Variants in SP140L observed in about 807,000 individuals in gnomAD.
SP140L encodes nuclear body protein SP140-like protein.
SP140L carries 64 observed loss-of-function variants against 84.3 expected under a neutral mutation model. The ratio of observed to expected loss-of-function variants is 0.76; its 90% CI spans 0.62 to 0.94. The LOEUF is 0.94. Among genes scored for constraint, SP140L ranks in the 40% least tolerant of loss-of-function variants. The probability of loss-of-function intolerance (pLI) is 0.00; values close to 1 mark genes in which losing one functional copy is unlikely to be tolerated. For synonymous variants in SP140L, 242 were observed against 236.9 expected (o/e 1.02, Z -0.20); for missense variants, 628 against 692.5 (o/e 0.91, Z 1.05).
At chr2:230,401,199 A>G (rs2062321324) in intron 16 of SP140L, 136 bp downstream of exon 16, 4 of 658,370 alleles carry the variant, frequency 6.1e-6, no homozygotes, top group South Asian at 3.9e-5. Context: ...ATAGAACACC[A>G]CACCTTGTTT....
chr2:230,352,358 C>G (rs2060389313), intron 2 of SP140L, among the ~76,000 whole-genome samples: 1 of 152,070 alleles, frequency 6.6e-6, no homozygotes, highest in African/African-American at 2.4e-5. Context: ...GGAATCATGA[C>G]TAGGAGGTCT....
At chr2:230,400,092 A>G (rs570352032) in intron 14 of SP140L, 35 bp from the exon 15 acceptor site, 2 of 1,611,330 alleles carry the variant, frequency 1.2e-6, no homozygotes, top group South Asian at 1.1e-5. Flanking sequence ...GAATCTTGTG[A>G]TTCCCAGTGA....
At position 230,400,941 on chromosome 2, in the gene SP140L, G is replaced by C. The variant is rs1330603910; in HGVS notation, c.1314-14G>C. 1.3e-6 allele frequency: 2 copies of C among 1,494,438 alleles called. No homozygotes were observed. Among genetic ancestry groups the C allele is most frequent in the Non-Finnish European group, 1.8e-6 (2 of 1,100,476 alleles). The allele number at this position is 1,494,438 out of a possible 1,614,324, so 92.6% of individuals were successfully genotyped here. A position where few individuals can be genotyped will look rare whatever the true frequency, so the allele number is the denominator to read the frequency against. On this transcript the variant is annotated splice_polypyrimidine_tract_variant and intron_variant, in intron 15 of 18. Coordinates refer to ENST00000415673, the MANE Select transcript of SP140L (RefSeq NM_138402.6). The stretch of plus-strand genomic sequence containing the variant: ...AGCTCCCTGCCCTCTGCTCACCCAT[G>C]TCCAATCTCTCAGGACCCCGTGGAA...
At chr2:230,383,678 AC>A in intron 8 of SP140L, 103 bp downstream of exon 8, 1 of 1,121,288 alleles carries the variant, frequency 8.9e-7, no homozygotes, top group Non-Finnish European at 1.3e-6. Flanking sequence ...AGAGTTCTGT[AC>A]TTCCTGTATC....
At position 230,328,839 on chromosome 2, in the gene SP140L, A is replaced by G. The variant is rs562434938; in HGVS notation, c.107+8A>G. Reference sequence around the variant, plus strand: ...CAGCCAAAGTCTGCAAAGGTGATGAAGAATTACAATTTGTTTTAATTTGTA... The same window carrying G: ...CAGCCAAAGTCTGCAAAGGTGATGAGGAATTACAATTTGTTTTAATTTGTA... On this transcript the variant is annotated splice_region_variant and intron_variant, in intron 2 of 18. Coordinates refer to ENST00000415673, the MANE Select transcript of SP140L (RefSeq NM_138402.6). The G allele has an allele frequency of 1.2e-4, 197 of 1,604,728 alleles. 3 individuals carry two copies. In the South Asian group the frequency reaches 2.2e-3, roughly 18 times the overall value.
At chr2:230,335,828 T>C (rs1299265431) in intron 2 of SP140L, among the ~76,000 whole-genome samples, 4 of 152,152 alleles carry the variant, frequency 2.6e-5, no homozygotes, top group Non-Finnish European at 1.5e-5. Context: ...AAAATGATGG[T>C]ATCAACAATG....
intron 2 of SP140L, among the ~76,000 whole-genome samples, chr2:230,336,566 G>C (rs2149682714): frequency 6.6e-6 from 1 of 152,294 alleles, no homozygotes; most frequent in South Asian, 2.1e-4. Context: ...ACTCAGAAAT[G>C]TCAGATATTT....
chr2:230,381,887 C>G (rs1264709652), intron 7 of SP140L, among the ~76,000 whole-genome samples: 1 of 152,166 alleles, frequency 6.6e-6, no homozygotes, highest in East Asian at 1.9e-4. Context: ...AGCACAATCC[C>G]CAGAGCACAC....
intron 4 of SP140L, among the ~76,000 whole-genome samples, chr2:230,359,447 T>C (rs2060647310): frequency 6.6e-6 from 1 of 151,478 alleles, no homozygotes; most frequent in African/African-American, 2.4e-5. Context: ...TTAGTGGGAG[T>C]TTTTGCAGTG....
intron 13 of SP140L, 133 bp downstream of exon 13, chr2:230,393,594 T>A (rs72495174): frequency 0.27 from 296,153 of 1,093,970 alleles, 42,386 homozygotes; most frequent in Non-Finnish European, 0.29. Context: ...ACATATAAAT[T>A]TTTTTAATAT....
intron 4 of SP140L, among the ~76,000 whole-genome samples, chr2:230,360,105 G>A (rs2060670202): frequency 3.9e-5 from 6 of 152,142 alleles, no homozygotes; most frequent in Admixed American, 3.3e-4. Flanking sequence ...TCTCCTCACA[G>A]TTTGATCTCA....
In SP140L at chr2:230,392,101, T is replaced by A. The variant is rs768267822; in HGVS notation, c.979T>A (p.Cys327Ser). 6.2e-7 allele frequency: 1 copy of A among 1,613,866 alleles called. No homozygotes were observed. Among genetic ancestry groups the A allele is most frequent in the East Asian group, 2.2e-5 (1 of 44,862 alleles). ...TGGTCTTACAGGAACCTTGGCAAAG[T>A]GTATACAGACTGAGGATGGAAAATG... ...EKLEQGTLAK[C>S]IQTEDGKWFT... The change falls in exon 12 of 19, where the codon TGT becomes AGT. Residue 327 changes from cysteine to serine, a missense_variant. Cys to Ser is a moderately radical substitution (Grantham distance 112). Coordinates refer to ENST00000415673, the MANE Select transcript of SP140L (RefSeq NM_138402.6).
intron 2 of SP140L, among the ~76,000 whole-genome samples, chr2:230,351,469 T>C (rs2060362274): frequency 2.0e-5 from 3 of 152,256 alleles, no homozygotes; most frequent in Non-Finnish European, 4.4e-5. Flanking sequence ...TGCCTATTAA[T>C]ATCAGGTATA....
intron 14 of SP140L, 137 bp from the exon 15 acceptor site, chr2:230,399,990 T>A: frequency 1.3e-6 from 1 of 778,558 alleles, no homozygotes; most frequent in East Asian, 2.6e-5. Context: ...ATGCCATATT[T>A]TTCCTTCATA....
At chr2:230,365,816 G>T (rs542953326) in intron 5 of SP140L, among the ~76,000 whole-genome samples, 1 of 151,902 alleles carries the variant, frequency 6.6e-6, no homozygotes, top group South Asian at 2.1e-4. Context: ...CATCAGTTTT[G>T]TTATGTTGTG....
intron 11 of SP140L, among the ~76,000 whole-genome samples, chr2:230,390,391 G>C (rs1283725755): frequency 6.6e-6 from 1 of 152,152 alleles, no homozygotes; most frequent in Non-Finnish European, 1.5e-5. Context: ...AGGGTGCTTG[G>C]CTTGGGTGAT....
intron 2 of SP140L, among the ~76,000 whole-genome samples, chr2:230,344,785 T>C (rs1374114951): frequency 6.6e-6 from 1 of 152,204 alleles, no homozygotes; most frequent in Non-Finnish European, 1.5e-5. Flanking sequence ...AAGAATGTAT[T>C]GTTTAACTTC....
intron 11 of SP140L, 48 bp downstream of exon 11, chr2:230,390,071 C>A (rs1158344128): frequency 1.3e-6 from 2 of 1,501,674 alleles, no homozygotes; most frequent in Non-Finnish European, 1.8e-6. Context: ...CTGAAGGCAT[C>A]ACAAGAAGTG....
intron 7 of SP140L, among the ~76,000 whole-genome samples, chr2:230,376,213 C>A (rs2061236442): frequency 6.6e-6 from 1 of 152,108 alleles, no homozygotes; most frequent in Admixed American, 6.6e-5. Flanking sequence ...TTAAGTGCCC[C>A]TTCTTGACAT....
Sources: allele counts gnomAD v4.1 joint callset (sites outside exome capture counted in the v4.1 genomes callset), GRCh38; gene constraint gnomAD v4.1.1; transcripts MANE v1.5; gene names NCBI Gene and HGNC (gene_info 2026-07-23, HGNC 2026-07-21).